DOCK9: variants seen among roughly 807,000 people sequenced by gnomAD.
DOCK9 encodes dedicator of cytokinesis protein 9.
A neutral mutation model predicts 263.3 loss-of-function variants in DOCK9; 89 were observed. The observed-to-expected ratio is 0.34, with a 90% CI of 0.28 to 0.40. The LOEUF (loss-of-function observed/expected upper bound fraction) is 0.40. Among genes scored for constraint, DOCK9 ranks in the 10% least tolerant of loss-of-function variants. The pLI is 1.00. For synonymous variants in DOCK9, 976 were observed against 973.1 expected (o/e 1.00, Z -0.06); for missense variants, 2,140 against 2,603.4 (o/e 0.82, Z 3.87).
At chr13:99,069,589 T>C (rs1208744757) in intron 1 of DOCK9, among the ~76,000 whole-genome samples, 1 of 152,246 alleles carries the variant, frequency 6.6e-6, no homozygotes, top group Non-Finnish European at 1.5e-5. Flanking sequence ...TTCTTGTCTT[T>C]ATAACTAGCT....
intron 1 of DOCK9, among the ~76,000 whole-genome samples, chr13:99,078,709 A>G (rs2042008756): frequency 6.6e-6 from 1 of 152,232 alleles, no homozygotes; most frequent in South Asian, 2.1e-4. Flanking sequence ...AACTTTTTAA[A>G]ATTGCAGAAG....
intron 34 of DOCK9, chr13:98,854,531 T>G (rs1389155516): frequency 6.6e-6 from 1 of 152,098 alleles, no homozygotes; most frequent in African/African-American, 2.4e-5. Flanking sequence ...CCCTCTGGCC[T>G]GCCCACTTGA....
At chr13:99,017,206 A>G (rs1365456268) in intron 1 of DOCK9, among the ~76,000 whole-genome samples, 1 of 152,232 alleles carries the variant, frequency 6.6e-6, no homozygotes, top group African/African-American at 2.4e-5. Context: ...GATTACACCC[A>G]AGTTGTGACA....
Position 99,010,855 on chromosome 13 carries a change from A to G in DOCK9, c.130-55304T>C, listed in dbSNP as rs944480689. On this transcript the variant is annotated intron_variant, in intron 1 of 32. Coordinates refer to the DOCK9 transcript ENST00000427887. ...TGTTTGTTACTTCAGAGCCATCCTT[A>G]GTGATGGTAAAAAGGCTTTTTCTTC... is the stretch of plus-strand genomic sequence containing the variant. Among the ~76,000 whole-genome samples the G allele has an allele frequency of 2.8e-4, 42 of 152,196 alleles. 1 individual carries two copies. Among genetic ancestry groups the G allele is most frequent in the Admixed American group, 2.4e-3 (36 of 15,278 alleles).
intron 2 of DOCK9, among the ~76,000 whole-genome samples, chr13:98,949,399 G>A (rs1360829198): frequency 6.6e-6 from 1 of 152,132 alleles, no homozygotes; most frequent in East Asian, 1.9e-4. Flanking sequence ...CTTGTACATA[G>A]CTTGAGTTAC....
At chr13:98,822,340 A>G (rs1167826999) in intron 45 of DOCK9, among the ~76,000 whole-genome samples, 1 of 152,132 alleles carries the variant, frequency 6.6e-6, no homozygotes, top group Non-Finnish European at 1.5e-5. Flanking sequence ...TAACATAATA[A>G]CTATCTCAGC....
chr13:98,917,649 T>C (rs2051114201), intron 7 of DOCK9, among the ~76,000 whole-genome samples: 1 of 151,870 alleles, frequency 6.6e-6, no homozygotes, highest in African/African-American at 2.4e-5. Flanking sequence ...TTTTTCTTTT[T>C]TTTTTTTTCG....
At chr13:99,029,538 A>C (rs1203216344) in intron 1 of DOCK9, among the ~76,000 whole-genome samples, 1 of 152,248 alleles carries the variant, frequency 6.6e-6, no homozygotes, top group Non-Finnish European at 1.5e-5. Context: ...AACTAGGATC[A>C]TCAAAGAAGA....
chr13:99,065,465 C>T (rs1326290743), intron 1 of DOCK9, among the ~76,000 whole-genome samples: 1 of 152,166 alleles, frequency 6.6e-6, no homozygotes, highest in Non-Finnish European at 1.5e-5. Context: ...CAAGTCAACA[C>T]TCCACAGCCT....
Position 98,870,921 on chromosome 13 carries a change from CA to C in DOCK9, c.2944-2545del, listed in dbSNP as rs1477416189. Among the ~76,000 whole-genome samples the C allele has an allele frequency of 9.1e-5, 13 of 142,564 alleles. No homozygotes were observed. In the Admixed American group the frequency reaches 9.1e-4, roughly 10 times the overall value. 93.5% of individuals were successfully genotyped at this position (142,564 alleles called of 152,430 possible). A position where few individuals can be genotyped will look rare whatever the true frequency, so the allele number is the denominator to read the frequency against. Reference sequence around the variant, plus strand: ...GCCAAAAAAAAAAAAAAAGTCCAAACAGATGAAAAGAGAACAGTTTAAGAAT... The same window carrying C: ...GCCAAAAAAAAAAAAAAAGTCCAAACGATGAAAAGAGAACAGTTTAAGAAT... On this transcript the variant is annotated intron_variant, in intron 27 of 52. Transcript: ENST00000682017.
At chr13:98,914,305 C>A (rs2050536330) in intron 9 of DOCK9, 23 bp downstream of exon 9, 4 of 1,595,260 alleles carry the variant, frequency 2.5e-6, no homozygotes, top group Non-Finnish European at 3.4e-6. Context: ...CAACGAAGAG[C>A]AGAAGATATA....
At chr13:98,984,875 G>A (rs184763401) in intron 1 of DOCK9, among the ~76,000 whole-genome samples, 135 of 152,128 alleles carry the variant, frequency 8.9e-4, no homozygotes, top group Non-Finnish European at 1.5e-3. Flanking sequence ...GATAATATCT[G>A]GGGAAAAACA....
intron 1 of DOCK9, among the ~76,000 whole-genome samples, chr13:99,085,044 G>C (rs959838518): frequency 3.9e-5 from 6 of 152,232 alleles, no homozygotes; most frequent in South Asian, 2.1e-4. Context: ...TAGCAATCGA[G>C]AGAAAATTCA....
intron 2 of DOCK9, among the ~76,000 whole-genome samples, chr13:98,938,991 G>A (rs2140473842): frequency 6.6e-6 from 1 of 152,290 alleles, no homozygotes; most frequent in East Asian, 1.9e-4. Flanking sequence ...CAGAGAGCTG[G>A]GAGTGTCCTC....
At chr13:98,903,246 T>C (rs1331628313) in intron 10 of DOCK9, 134 bp from the exon 11 acceptor site, 3 of 702,852 alleles carry the variant, frequency 4.3e-6, no homozygotes, top group African/African-American at 3.8e-5. Context: ...GTGTTGCTAT[T>C]ATATAATCGG....
intron 13 of DOCK9, among the ~76,000 whole-genome samples, chr13:98,900,853 T>A (rs558208335): frequency 4.6e-5 from 7 of 152,304 alleles, no homozygotes; most frequent in Admixed American, 2.0e-4. Flanking sequence ...CTGTGATGCA[T>A]GGGCGCCCAT....
intron 7 of DOCK9, among the ~76,000 whole-genome samples, chr13:98,920,476 C>T (rs1227683633): frequency 2.0e-5 from 3 of 152,182 alleles, no homozygotes; most frequent in East Asian, 3.9e-4. Context: ...TAAATAACAT[C>T]TCCAAGGTTA....
At chr13:98,971,743 C>A (rs1404730330) in intron 1 of DOCK9, among the ~76,000 whole-genome samples, 4 of 152,102 alleles carry the variant, frequency 2.6e-5, no homozygotes, top group Non-Finnish European at 2.9e-5. Context: ...AACGGGATGC[C>A]TGCAGATTCT....
At chr13:98,822,005 G>A (rs1358180687) in intron 45 of DOCK9, among the ~76,000 whole-genome samples, 3 of 152,112 alleles carry the variant, frequency 2.0e-5, no homozygotes, top group Non-Finnish European at 2.9e-5. Context: ...ATGCAAAAAC[G>A]TGCCTGGTAA....
Sources: gnomAD v4.1 joint callset for allele counts (sites outside exome capture counted in the v4.1 genomes callset) on GRCh38, gnomAD v4.1.1 for gene constraint, MANE v1.5 for transcripts, NCBI Gene and HGNC (gene_info 2026-07-23, HGNC 2026-07-21) for gene names.